PPFIBP1: variants seen among roughly 807,000 people sequenced by gnomAD.
PPFIBP1 encodes the protein PPFIB scaffold protein 1.
A neutral mutation model predicts 137.8 loss-of-function variants in PPFIBP1; 112 were observed. The observed-to-expected ratio is 0.81, with a 90% CI of 0.70 to 0.95. PPFIBP1 has a LOEUF of 0.95. Among genes scored for constraint, PPFIBP1 ranks in the 40% least tolerant of loss-of-function variants. The probability of loss-of-function intolerance (pLI) is 0.00; values close to 1 mark genes in which losing one functional copy is unlikely to be tolerated. For synonymous variants in PPFIBP1, 378 were observed against 417.3 expected (o/e 0.91, Z 1.15); for missense variants, 1,083 against 1,196.6 (o/e 0.91, Z 1.40).
At chr12:27,568,265 T>C (rs1020261564) in intron 1 of PPFIBP1, among the ~76,000 whole-genome samples, 5 of 152,222 alleles carry the variant, frequency 3.3e-5, no homozygotes, top group Non-Finnish European at 5.9e-5. Context: ...TTAGAAGTTA[T>C]TTTTTCATGT....
At chr12:27,630,474 A>G (rs1255452986) in intron 2 of PPFIBP1, among the ~76,000 whole-genome samples, 1 of 152,002 alleles carries the variant, frequency 6.6e-6, no homozygotes, top group Non-Finnish European at 1.5e-5. Context: ...ATGTTATCTC[A>G]TTTTTCATCC....
At chr12:27,604,764 T>C (rs931853531) in intron 2 of PPFIBP1, among the ~76,000 whole-genome samples, 1 of 152,206 alleles carries the variant, frequency 6.6e-6, no homozygotes, top group Non-Finnish European at 1.5e-5. Flanking sequence ...TAGTCTGTTT[T>C]CACACTGCTG....
chr12:27,689,955 C>G (rs1340398976), intron 27 of PPFIBP1, among the ~76,000 whole-genome samples: 1 of 152,164 alleles, frequency 6.6e-6, no homozygotes, highest in Non-Finnish European at 1.5e-5. Context: ...GATTACTGGG[C>G]GTCTTAAGGG....
At chr12:27,566,786 C>A (rs957449089) in intron 1 of PPFIBP1, among the ~76,000 whole-genome samples, 1 of 152,128 alleles carries the variant, frequency 6.6e-6, no homozygotes, top group East Asian at 1.9e-4. Context: ...TAAGGCCACA[C>A]GGTCAGCAAG....
Position 27,694,998 on chromosome 12 carries a change from G to T in PPFIBP1, c.*2116G>T, listed in dbSNP as rs2061705165. On this transcript the variant is annotated 3_prime_UTR_variant, in exon 30 of 30. Transcript: ENST00000228425. ...CTTTAAACTCTACCATTCATTATGT[G>T]GTAACTGTATTGAACTTACTTTATT... is the stretch of plus-strand genomic sequence containing the variant. 1 of 152,036 alleles carries T rather than the reference G, an allele frequency of 6.6e-6. No homozygotes were observed. The highest frequency in any genetic ancestry group is 1.5e-5 in the Non-Finnish European group (1 of 68,014). 9.4% of individuals were successfully genotyped at this position (152,036 alleles called of 1,614,324 possible).
intron 7 of PPFIBP1, among the ~76,000 whole-genome samples, chr12:27,652,977 T>C (rs184322862): frequency 6.6e-6 from 1 of 152,296 alleles, no homozygotes; most frequent in Non-Finnish European, 1.5e-5. Flanking sequence ...AGAAAATAGA[T>C]ATCATCTAAG....
At chr12:27,620,464 G>A (rs542784971) in intron 2 of PPFIBP1, among the ~76,000 whole-genome samples, 1 of 152,298 alleles carries the variant, frequency 6.6e-6, no homozygotes, top group South Asian at 2.1e-4. Flanking sequence ...AGATATTTCT[G>A]TGACTTTCTC....
intron 4 of PPFIBP1, among the ~76,000 whole-genome samples, chr12:27,644,870 T>C (rs2058364191): frequency 2.0e-5 from 3 of 152,044 alleles, no homozygotes; most frequent in Admixed American, 6.6e-5. Flanking sequence ...TATGCTAAAG[T>C]TTTTAGAAAA....
chr12:27,677,282 A>G (rs2060579051), intron 19 of PPFIBP1, 186 bp downstream of exon 19: 2 of 677,832 alleles, frequency 3.0e-6, no homozygotes, highest in Admixed American at 5.6e-5. Context: ...TTCCAAGCCT[A>G]AATGCTGTTT....
chr12:27,661,943 G>A lies in PPFIBP1; in HGVS notation c.906+998G>A, dbSNP rs574755933. On this transcript the variant is annotated intron_variant, in intron 11 of 29. Transcript: ENST00000228425. ...ATAAAAAAAAAGTAATTAGCAAGCTGCCCACTGTAACTTTTATTTTTTTTT... is the reference window on the plus strand; with the variant it reads ...ATAAAAAAAAAGTAATTAGCAAGCTACCCACTGTAACTTTTATTTTTTTTT... 1.2e-4 allele frequency among the ~76,000 whole-genome samples: 19 copies of A among 152,086 alleles called. 1 individual carries two copies. The South Asian group carries it at 3.7e-3, about 30-fold the overall frequency.
At chr12:27,563,483 C>A (rs1004228911) in intron 1 of PPFIBP1, among the ~76,000 whole-genome samples, 1 of 143,976 alleles carries the variant, frequency 6.9e-6, no homozygotes, top group Non-Finnish European at 1.5e-5. Flanking sequence ...AAAAAGCAGA[C>A]AACTCAGAGA....
intron 2 of PPFIBP1, among the ~76,000 whole-genome samples, chr12:27,594,392 G>A (rs766523996): frequency 1.3e-5 from 2 of 152,182 alleles, no homozygotes; most frequent in East Asian, 1.9e-4. Flanking sequence ...TGCCCAGGCT[G>A]GTTTTGAACT....
chr12:27,584,937 G>A (rs11049055), intron 2 of PPFIBP1, among the ~76,000 whole-genome samples: 66,693 of 152,074 alleles, frequency 0.44, 15,399 homozygotes, highest in Non-Finnish European at 0.52. Context: ...GATGCCTGAT[G>A]GCCCACTGTA....
intron 1 of PPFIBP1, among the ~76,000 whole-genome samples, chr12:27,529,725 A>T (rs950765997): frequency 2.0e-5 from 3 of 152,196 alleles, no homozygotes; most frequent in African/African-American, 7.2e-5. Context: ...GCCAAATTTT[A>T]ATTTTTCCTT....
intron 2 of PPFIBP1, among the ~76,000 whole-genome samples, chr12:27,622,117 T>A (rs1369691949): frequency 2.6e-5 from 4 of 152,316 alleles, no homozygotes; most frequent in Admixed American, 2.6e-4. Flanking sequence ...TCATTTTATA[T>A]GTGTGGAAAG....
intron 24 of PPFIBP1, among the ~76,000 whole-genome samples, chr12:27,683,423 G>C (rs2061001744): frequency 6.6e-6 from 1 of 152,160 alleles, no homozygotes; most frequent in South Asian, 2.1e-4. Flanking sequence ...TCTAAGTTAT[G>C]GGTTTCTATG....
intron 1 of PPFIBP1, among the ~76,000 whole-genome samples, chr12:27,574,519 C>T (rs1031642053): frequency 4.6e-5 from 7 of 152,046 alleles, no homozygotes; most frequent in African/African-American, 7.2e-5. Flanking sequence ...TTTTATATTC[C>T]CAGTACCCCA....
At chr12:27,590,109 A>C (rs909790721) in intron 2 of PPFIBP1, among the ~76,000 whole-genome samples, 4 of 152,194 alleles carry the variant, frequency 2.6e-5, no homozygotes, top group Admixed American at 2.0e-4. Context: ...TACATTAAAA[A>C]CATTTAAAGA....
intron 13 of PPFIBP1, among the ~76,000 whole-genome samples, chr12:27,669,991 G>A (rs1490502366): frequency 6.6e-6 from 1 of 152,196 alleles, no homozygotes; most frequent in Non-Finnish European, 1.5e-5. Flanking sequence ...TTACTAAGGT[G>A]AGACTGTTGC....
Sources: gnomAD v4.1 joint callset for allele counts (sites outside exome capture counted in the v4.1 genomes callset) on GRCh38, gnomAD v4.1.1 for gene constraint, MANE v1.5 for transcripts, NCBI Gene and HGNC (gene_info 2026-07-23, HGNC 2026-07-21) for gene names.